Variants in SPG11 observed in about 807,000 individuals in gnomAD.
SPG11 encodes the protein spatacsin.
In SPG11, 222 loss-of-function variants were observed where a neutral mutation model predicts 274.0. That is an observed-to-expected ratio of 0.81 (90% CI 0.73 to 0.91). The LOEUF is 0.91. Ranked by LOEUF, SPG11 falls within the 40% of genes least tolerant of loss-of-function variation. The probability of loss-of-function intolerance (pLI) is 0.00; values close to 1 mark genes in which losing one functional copy is unlikely to be tolerated. For synonymous variants in SPG11, 1,144 were observed against 1,039.7 expected (o/e 1.10, Z -1.93); for missense variants, 3,114 against 2,872.7 (o/e 1.08, Z -1.92).
At chr15:44,634,768 G>C (rs1026163607) in intron 7 of SPG11, among the ~76,000 whole-genome samples, 2 of 151,614 alleles carry the variant, frequency 1.3e-5, no homozygotes, top group Non-Finnish European at 2.9e-5. Context: ...ACAGAAACGG[G>C]GTTTCACCAT....
intron 19 of SPG11, among the ~76,000 whole-genome samples, chr15:44,606,363 A>G (rs889100758): frequency 6.6e-6 from 1 of 152,210 alleles, no homozygotes; most frequent in African/African-American, 2.4e-5. Context: ...CTTTTGGTAG[A>G]GGGAGCATCA....
At chr15:44,569,920 G>T (rs1248210201) in intron 34 of SPG11, among the ~76,000 whole-genome samples, 2 of 152,058 alleles carry the variant, frequency 1.3e-5, no homozygotes, top group African/African-American at 4.8e-5. Flanking sequence ...GTTAGTCAGG[G>T]TGGTCTCCAA....
At chr15:44,585,560 C>T in intron 29 of SPG11, 76 bp downstream of exon 29, 1 of 1,249,856 alleles carries the variant, frequency 8.0e-7, no homozygotes, top group South Asian at 1.2e-5. Flanking sequence ...GGAGATCGCG[C>T]CACTGCACTC....
Position 44,584,547 on chromosome 15 carries a change from T to C in SPG11, c.5133A>G (p.Glu1711=). The C allele has an allele frequency of 2.5e-6, 4 of 1,610,090 alleles. No individual in the cohort carries two copies. The highest frequency in any genetic ancestry group is 3.4e-6 in the Non-Finnish European group (4 of 1,180,024). Residue 1711 remains glutamate (E), a synonymous_variant, in exon 30 of 40, where the codon GAA becomes GAG. Coordinates refer to ENST00000261866, the MANE Select transcript of SPG11 (RefSeq NM_025137.4). ...GTTCAATGTGTTTTAGGGTCTGCAT[T>C]TCCTGTGTTATCTGTGAAATTTAAC... ...DNLVIKEITQ[E]MQTLKHIEQW...
At position 44,608,369 on chromosome 15, in the gene SPG11, GAA is replaced by G. The variant is rs571490072; in HGVS notation, c.3453+73_3453+74del. 5.7e-5 allele frequency: 85 copies of G among 1,502,518 alleles called. No individual in the cohort carries two copies. The African/African-American group carries it at 1.0e-3, about 18-fold the overall frequency. The allele number at this position is 1,502,518 out of a possible 1,614,324, so 93.1% of individuals were successfully genotyped here. On this transcript the variant is annotated intron_variant, in intron 19 of 39. Transcript: ENST00000261866. Reference sequence around the variant, plus strand: ...TCCCTACATTAAATGCCCTCCGGTTGAAAGATCTAGAGTGATTTCTGTTTTCC... The same window carrying G: ...TCCCTACATTAAATGCCCTCCGGTTGAGATCTAGAGTGATTTCTGTTTTCC...
At chr15:44,659,050 T>G in intron 3 of SPG11, 29 bp downstream of exon 3, 2 of 1,600,650 alleles carry the variant, frequency 1.2e-6, no homozygotes, top group Non-Finnish European at 1.7e-6. Context: ...CCTCTACGTA[T>G]CAATCAACAC....
At chr15:44,656,957 C>A in intron 4 of SPG11, 138 bp downstream of exon 4, 2 of 714,900 alleles carry the variant, frequency 2.8e-6, no homozygotes, top group South Asian at 1.8e-5. Context: ...AACTACTTTA[C>A]AATGTATTAG....
chr15:44,566,095 C>G, intron 37 of SPG11, 86 bp from the exon 38 acceptor site: 1 of 1,596,880 alleles, frequency 6.3e-7, no homozygotes, highest in Non-Finnish European at 8.6e-7. Flanking sequence ...TTCACCCCTT[C>G]TGTTCCTGGT....
At chr15:44,569,285 T>A in intron 35 of SPG11, 113 bp downstream of exon 35, 1 of 811,754 alleles carries the variant, frequency 1.2e-6, no homozygotes. Flanking sequence ...CCCTAATTCC[T>A]TCCCTCCATT....
At chr15:44,634,688 G>C (rs1437861525) in intron 7 of SPG11, among the ~76,000 whole-genome samples, 3 of 152,030 alleles carry the variant, frequency 2.0e-5, no homozygotes, top group Non-Finnish European at 4.4e-5. Flanking sequence ...CCAGGTTCAA[G>C]TGATCCTCCC....
intron 10 of SPG11, among the ~76,000 whole-genome samples, chr15:44,626,842 T>C (rs1217818471): frequency 6.6e-6 from 1 of 151,258 alleles, no homozygotes; most frequent in East Asian, 2.0e-4. Flanking sequence ...GGCTTGCTAG[T>C]AGAAGTAACT....
Position 44,662,839 on chromosome 15 carries a change from T to C in SPG11, c.257+552A>G, listed in dbSNP as rs116104801. On this transcript the variant is annotated intron_variant, in intron 1 of 39. Transcript: ENST00000261866. The stretch of plus-strand genomic sequence containing the variant: ...GCAAGAAAGAAGTGTCTTACTCAAC[T>C]TTTTAGGCACTGCTCCTATGTAACA... Among the ~76,000 whole-genome samples, 236 of 152,300 alleles carry C rather than the reference T, an allele frequency of 1.5e-3. 1 individual carries two copies. The highest frequency in any genetic ancestry group is 5.5e-3 in the African/African-American group (228 of 41,552).
chr15:44,629,683 A>G (rs551877892), intron 8 of SPG11, among the ~76,000 whole-genome samples: 2 of 152,334 alleles, frequency 1.3e-5, no homozygotes, highest in East Asian at 1.9e-4. Flanking sequence ...CCTTTCAACA[A>G]CTTAAGAGGT....
intron 35 of SPG11, 52 bp downstream of exon 35, chr15:44,569,346 C>A: frequency 7.8e-7 from 1 of 1,290,154 alleles, no homozygotes; most frequent in South Asian, 1.3e-5. Flanking sequence ...AGCTGAGGCT[C>A]CTGAATTATC....
intron 30 of SPG11, among the ~76,000 whole-genome samples, chr15:44,576,475 C>A (rs907731015): frequency 5.9e-5 from 9 of 151,688 alleles, no homozygotes; most frequent in Admixed American, 5.3e-4. Flanking sequence ...GGTGAAACCC[C>A]GTCTCTACTA....
intron 11 of SPG11, among the ~76,000 whole-genome samples, chr15:44,623,461 T>C (rs941642361): frequency 1.3e-5 from 2 of 152,156 alleles, no homozygotes; most frequent in Admixed American, 1.3e-4. Flanking sequence ...CTCCTGAAAG[T>C]TACCATGGGC....
intron 7 of SPG11, among the ~76,000 whole-genome samples, chr15:44,635,745 T>A (rs907219585): frequency 1.3e-5 from 2 of 151,612 alleles, no homozygotes; most frequent in East Asian, 3.9e-4. Context: ...AGTAAAACCC[T>A]GTCTTTACTA....
intron 15 of SPG11, 103 bp downstream of exon 15, chr15:44,620,087 T>G: frequency 1.1e-6 from 1 of 925,178 alleles, no homozygotes; most frequent in Non-Finnish European, 1.7e-6. Flanking sequence ...GAAACAACAC[T>G]ACACTGGATT....
At chr15:44,637,504 G>A (rs1426201863) in intron 7 of SPG11, among the ~76,000 whole-genome samples, 2 of 152,152 alleles carry the variant, frequency 1.3e-5, no homozygotes, top group African/African-American at 2.4e-5. Context: ...TAGTAGAGAT[G>A]GGGTTTGGCA....
Sources: allele counts gnomAD v4.1 joint callset (sites outside exome capture counted in the v4.1 genomes callset), GRCh38; gene constraint gnomAD v4.1.1; transcripts MANE v1.5; gene names NCBI Gene and HGNC (gene_info 2026-07-23, HGNC 2026-07-21).